Variants in ZHX2 observed in about 807,000 individuals in gnomAD.
ZHX2 encodes the protein zinc fingers and homeoboxes 2.
In ZHX2, 6 loss-of-function variants were observed where a neutral mutation model predicts 21.9. That is an observed-to-expected ratio of 0.27 (90% CI 0.15 to 0.54). ZHX2 has a LOEUF of 0.54. Ranked by LOEUF, ZHX2 falls within the 20% of genes least tolerant of loss-of-function variation. The pLI, the probability that ZHX2 is intolerant of heterozygous loss-of-function variation, is 0.95. For missense variants in ZHX2, 908 were observed against 1,090.7 expected, an observed-to-expected ratio of 0.83 and a Z score of 2.36; for synonymous variants, 434 against 437.1, an observed-to-expected ratio of 0.99 and a Z score of 0.09.
Position 122,782,746 on chromosome 8 carries a change from C to G in ZHX2, c.-283+800C>G, listed in dbSNP as rs1348635. Among the ~76,000 whole-genome samples, 39,836 of 151,922 alleles carry G rather than the reference C, an allele frequency of 0.26. 5,686 individuals are homozygous for G. The highest frequency in any genetic ancestry group is 0.33 in the Admixed American group (4,994 of 15,264). On this transcript the variant is annotated intron_variant, in intron 1 of 3. Transcript: ENST00000314393. This position sits in a 1 kb window ranked among gnomAD's most constrained non-coding sequence, Gnocchi z 5.3. Reference sequence around the variant, plus strand: ...TCCGCGCGGGGCGGGGGGCCGAGGGCGGCCGCGGGACCCCCGGCCCTGCTG... The same window carrying G: ...TCCGCGCGGGGCGGGGGGCCGAGGGGGGCCGCGGGACCCCCGGCCCTGCTG...
At chr8:122,941,531 A>T (rs1314503821) in intron 2 of ZHX2, among the ~76,000 whole-genome samples, 3 of 152,154 alleles carry the variant, frequency 2.0e-5, no homozygotes, top group Non-Finnish European at 2.9e-5. Flanking sequence ...CAGGATTATA[A>T]TTTTGTACAG....
chr8:122,783,349 C>G (rs1441224871), intron 1 of ZHX2, among the ~76,000 whole-genome samples: 1 of 152,124 alleles, frequency 6.6e-6, no homozygotes, highest in Non-Finnish European at 1.5e-5. Flanking sequence ...AACCTGCTCT[C>G]TGATCACTTT....
Position 122,935,814 on chromosome 8 carries a change from T to C in ZHX2, c.-219-15478T>C, listed in dbSNP as rs577771301. ...CCTCCCAAAGTGCTGGGATTACAGGTGTGAGCCACCACGCCCGGCCGAGAG... is the reference window on the plus strand; with the variant it reads ...CCTCCCAAAGTGCTGGGATTACAGGCGTGAGCCACCACGCCCGGCCGAGAG... On this transcript the variant is annotated intron_variant, in intron 2 of 3. Transcript: ENST00000314393. 1.2e-4 allele frequency among the ~76,000 whole-genome samples: 18 copies of C among 152,174 alleles called. No individual in the cohort carries two copies. The South Asian group carries it at 2.7e-3, about 23-fold the overall frequency.
At chr8:122,954,155 T>A in intron 3 of ZHX2, 127 bp downstream of exon 3, 1 of 833,810 alleles carries the variant, frequency 1.2e-6, no homozygotes, top group Non-Finnish European at 1.8e-6. Context: ...TTCTTGTAAT[T>A]AACAAATAAG....
intron 1 of ZHX2, among the ~76,000 whole-genome samples, chr8:122,796,189 T>C (rs1021010578): frequency 6.7e-5 from 10 of 149,374 alleles, no homozygotes; most frequent in African/African-American, 2.5e-4. Flanking sequence ...AAAAAAAAGA[T>C]TAAATCCTTA....
At chr8:122,915,964 C>G (rs1038821044) in intron 2 of ZHX2, among the ~76,000 whole-genome samples, 3 of 152,218 alleles carry the variant, frequency 2.0e-5, no homozygotes, top group Non-Finnish European at 4.4e-5. Flanking sequence ...CTTCCTCCCC[C>G]TTCCTGCAGC....
At chr8:122,935,049 T>G (rs1301621954) in intron 2 of ZHX2, among the ~76,000 whole-genome samples, 1 of 152,184 alleles carries the variant, frequency 6.6e-6, no homozygotes, top group Non-Finnish European at 1.5e-5. Flanking sequence ...AAAAGCCGTG[T>G]GCTATATAGT....
Position 122,953,223 on chromosome 8 carries a change from A to T in ZHX2, c.1713A>T (p.Arg571Ser). The T allele has an allele frequency of 6.2e-7, 1 of 1,613,874 alleles. No individual in the cohort carries two copies. Among genetic ancestry groups the T allele is most frequent in the Non-Finnish European group, 8.5e-7 (1 of 1,179,996 alleles). The change falls in exon 3 of 4, where the codon AGA becomes AGT. Residue 571 changes from arginine to serine, a missense_variant. By Grantham distance (110) the Arg-to-Ser change is moderately radical. Transcript: ENST00000314393. The surrounding 1 kb of genome is among the most constrained non-coding windows in gnomAD (Gnocchi z 4.6). ...GGGTGGAGACCAAGCTGAGCAGGAG[A>T]GAGATCGACTCCTGGTTCTCGGAGA... ...RLRVETKLSRREIDSWFSERR... is the reference protein window; with the variant it reads ...RLRVETKLSRSEIDSWFSERR...
At chr8:122,810,120 G>A (rs75919334) in intron 1 of ZHX2, among the ~76,000 whole-genome samples, 3,790 of 152,304 alleles carry the variant, frequency 0.025, 71 homozygotes, top group Non-Finnish European at 0.039. Flanking sequence ...TTGGCAAAGA[G>A]TAAGAGCTTA....
chr8:122,916,499 T>C (rs148373509), intron 2 of ZHX2, among the ~76,000 whole-genome samples: 119 of 152,312 alleles, frequency 7.8e-4, no homozygotes, highest in Admixed American at 2.0e-3. Context: ...TTTCTTTTTC[T>C]TTTTTTCTAC....
chr8:122,934,642 CCTTCCTTCTTTA>C (rs1384582802), intron 2 of ZHX2, among the ~76,000 whole-genome samples: 5 of 149,622 alleles, frequency 3.3e-5, no homozygotes, highest in Non-Finnish European at 4.4e-5. Flanking sequence ...TTCCTTCCTT[CCTTCCTTCTTTA>C]TTACCTTCCT....
chr8:122,848,525 A>C (rs1255902384), intron 1 of ZHX2, among the ~76,000 whole-genome samples: 2 of 152,106 alleles, frequency 1.3e-5, no homozygotes, highest in South Asian at 2.1e-4. Context: ...CCCCTCATTA[A>C]GGGTTCTGAG....
At chr8:122,800,751 C>CG (rs1341831657) in intron 1 of ZHX2, among the ~76,000 whole-genome samples, 12 of 151,998 alleles carry the variant, frequency 7.9e-5, no homozygotes. Flanking sequence ...TTTCCCAAGG[C>CG]GGGGGGCAGA....
chr8:122,835,686 G>A (rs532793524), intron 1 of ZHX2, among the ~76,000 whole-genome samples: 12 of 152,282 alleles, frequency 7.9e-5, no homozygotes, highest in African/African-American at 2.6e-4. Flanking sequence ...GGGTCGGGAA[G>A]AGAAAGGCGA....
intron 2 of ZHX2, among the ~76,000 whole-genome samples, chr8:122,942,721 A>G (rs1441562187): frequency 6.6e-6 from 1 of 152,230 alleles, no homozygotes; most frequent in Non-Finnish European, 1.5e-5. Context: ...ACTGTGAGCC[A>G]GCCACCTTGA....
At chr8:122,841,306 C>A (rs1050267074) in intron 1 of ZHX2, among the ~76,000 whole-genome samples, 3 of 152,130 alleles carry the variant, frequency 2.0e-5, no homozygotes, top group Non-Finnish European at 4.4e-5. Context: ...GTTTAAAGCC[C>A]GTGTCTTTCC....
At chr8:122,801,717 G>A (rs931899031) in intron 1 of ZHX2, among the ~76,000 whole-genome samples, 2 of 152,096 alleles carry the variant, frequency 1.3e-5, no homozygotes, top group African/African-American at 2.4e-5. Context: ...CACCGCTGCA[G>A]CTCCAGCCCA....
At chr8:122,927,901 C>G (rs1003218081) in intron 2 of ZHX2, among the ~76,000 whole-genome samples, 2 of 152,154 alleles carry the variant, frequency 1.3e-5, no homozygotes, top group African/African-American at 4.8e-5. Context: ...AGCTTGGGAA[C>G]ACCAGGCACA....
chr8:122,839,176 A>G (rs1205094766), intron 1 of ZHX2, among the ~76,000 whole-genome samples: 3 of 151,980 alleles, frequency 2.0e-5, no homozygotes, highest in Non-Finnish European at 4.4e-5. Context: ...ACACACTAGA[A>G]TGTGGCATTG....
Sources: allele counts gnomAD v4.1 joint callset (sites outside exome capture counted in the v4.1 genomes callset), GRCh38; gene constraint gnomAD v4.1.1; non-coding constraint Gnocchi (gnomAD v3.1); transcripts MANE v1.5; gene names NCBI Gene and HGNC (gene_info 2026-07-23, HGNC 2026-07-21).